EIF3M: variants seen among roughly 807,000 people sequenced by gnomAD.
The protein encoded by EIF3M is eukaryotic translation initiation factor 3 subunit M.
Under a neutral mutation model 49.7 loss-of-function variants are expected in EIF3M, and 25 were observed. The ratio of observed to expected loss-of-function variants is 0.50; its 90% confidence interval spans 0.37 to 0.70. The LOEUF is 0.70. Ranked by LOEUF, EIF3M falls within the 30% of genes least tolerant of loss-of-function variation. The pLI, the probability that EIF3M is intolerant of heterozygous loss-of-function variation, is 0.00. For missense variants in EIF3M, 350 were observed against 440.0 expected, an observed-to-expected ratio of 0.80 and a Z score of 1.83; for synonymous variants, 156 against 149.8, an observed-to-expected ratio of 1.04 and a Z score of -0.30.
At chr11:32,584,612 A>G (rs1854965166) in intron 1 of EIF3M, among the ~76,000 whole-genome samples, 1 of 150,350 alleles carries the variant, frequency 6.7e-6, no homozygotes, top group South Asian at 2.1e-4. Flanking sequence ...CCTCTCAAAA[A>G]AAAAAAAAAA....
rs561970649 is a variant in EIF3M, at chr11:32,598,853, C to T, written c.800-1836C>T. On this transcript the variant is annotated intron_variant, in intron 8 of 10. Transcript: ENST00000531120. ...ATGTTAAGGAATTTTTGAAAAAAAT[C>T]TTTAATACTTATTCATTGATAAGAA... Among the ~76,000 whole-genome samples, 13 of 152,028 alleles carry T rather than the reference C, an allele frequency of 8.6e-5. No individual in the cohort carries two copies. In the South Asian group the frequency reaches 2.7e-3, roughly 32 times the overall value.
At chr11:32,589,511 G>C in intron 4 of EIF3M, 36 bp from the exon 5 acceptor site, 1 of 1,566,254 alleles carries the variant, frequency 6.4e-7, no homozygotes, top group South Asian at 1.1e-5. Context: ...CTTTATATGT[G>C]TTACTCAGTT....
In EIF3M at chr11:32,602,495, T is replaced by C. The variant is rs1468553442; in HGVS notation, c.*96T>C. On this transcript the variant is annotated 3_prime_UTR_variant, in exon 11 of 11. Coordinates refer to ENST00000531120, the MANE Select transcript of EIF3M (RefSeq NM_006360.6). ...AAAATTTGCCTAGTCTGGACAGTTATTGTCTCAAATTTATACTAAAATCAC... is the reference window on the plus strand; with the variant it reads ...AAAATTTGCCTAGTCTGGACAGTTACTGTCTCAAATTTATACTAAAATCAC... 2 of 1,381,024 alleles carry C rather than the reference T, an allele frequency of 1.4e-6. No individual in the cohort carries two copies. Among genetic ancestry groups the C allele is most frequent in the Non-Finnish European group, 1.9e-6 (2 of 1,034,408 alleles). The allele number at this position is 1,381,024 out of a possible 1,614,324, so 85.5% of individuals were successfully genotyped here. A position where few individuals can be genotyped will look rare whatever the true frequency, so the allele number is the denominator to read the frequency against.
intron 8 of EIF3M, among the ~76,000 whole-genome samples, chr11:32,596,575 T>A (rs1316223006): frequency 7.3e-6 from 1 of 136,408 alleles, no homozygotes; most frequent in African/African-American, 2.8e-5. Flanking sequence ...CACTCCAGCC[T>A]CGGCAACAGA....
intron 8 of EIF3M, among the ~76,000 whole-genome samples, chr11:32,596,922 G>A (rs1040638804): frequency 4.3e-4 from 65 of 151,880 alleles, no homozygotes; most frequent in African/African-American, 1.5e-3. Context: ...AAAAAAAAAA[G>A]AGAGAGAAAA....
chr11:32,602,553 A>G lies in EIF3M; in HGVS notation c.*154A>G. On this transcript the variant is annotated 3_prime_UTR_variant, in exon 11 of 11. Transcript: ENST00000531120. ...AGAGGATATGAAGTAATAAATTACA[A>G]GGGGTCACAATGTCTGTCATACAAT... The G allele has an allele frequency of 1.0e-6, 1 of 954,120 alleles. No individual in the cohort carries two copies. Among genetic ancestry groups the G allele is most frequent in the East Asian group, 2.7e-5 (1 of 37,556 alleles). The allele number at this position is 954,120 out of a possible 1,614,324, so 59.1% of individuals were successfully genotyped here. A position where few individuals can be genotyped will look rare whatever the true frequency, so the allele number is the denominator to read the frequency against.
In EIF3M at chr11:32,589,550, A is replaced by G; in HGVS notation, c.442A>G (p.Arg148Gly). The change falls in exon 5 of 11, where the codon AGA (arginine) becomes GGA (glycine). Residue 148 changes from arginine to glycine, a missense_variant. Transcript: ENST00000531120. Reference protein sequence around the residue: ...QYIPTELDQVRKWISDWNLTT... With the variant: ...QYIPTELDQVGKWISDWNLTT... Reference sequence around the variant, plus strand: ...TCCTTTTGTCAATCTCTTGTAGGTTAGAAAATGGATTTCTGACTGGAATCT... The same window carrying G: ...TCCTTTTGTCAATCTCTTGTAGGTTGGAAAATGGATTTCTGACTGGAATCT... 6.2e-7 allele frequency: 1 copy of G among 1,614,046 alleles called. No homozygotes were observed.
chr11:32,584,186 A>C (rs565666489), intron 1 of EIF3M: 1 of 569,312 alleles, frequency 1.8e-6, no homozygotes, highest in East Asian at 3.0e-5. Context: ...TTCTGACGAC[A>C]TAGTACTTTT....
chr11:32,596,117 T>C, intron 8 of EIF3M, 70 bp downstream of exon 8: 1 of 1,213,274 alleles, frequency 8.2e-7, no homozygotes, highest in Middle Eastern at 2.0e-4. Flanking sequence ...ATGTACTATG[T>C]GTTCCAGCAA....
At chr11:32,601,963 GT>G in intron 10 of EIF3M, 141 bp downstream of exon 10, 1 of 954,366 alleles carries the variant, frequency 1.0e-6, no homozygotes. Context: ...TTTTATTAAA[GT>G]TCAGACTGAA....
chr11:32,588,727 G>A lies in EIF3M; in HGVS notation c.309G>A (p.Leu103=). Reference sequence around the variant, plus strand: ...AAGGTGAACGCCCGTCTCTGAGACTGCAGTTGTAAGTTAAGATCTGAAAGA... The same window carrying A: ...AAGGTGAACGCCCGTCTCTGAGACTACAGTTGTAAGTTAAGATCTGAAAGA... ...FREGERPSLR[L]QLLSNLFHGM... The change falls in exon 3 of 11, where the codon CTG becomes CTA. Residue 103 remains leucine, a synonymous_variant. Transcript: ENST00000531120. The A allele has an allele frequency of 1.9e-6, 3 of 1,614,138 alleles. No homozygotes were observed. The highest frequency in any genetic ancestry group is 1.7e-6 in the Non-Finnish European group (2 of 1,180,000).
intron 1 of EIF3M, among the ~76,000 whole-genome samples, chr11:32,585,202 A>G (rs764899561): frequency 4.6e-5 from 7 of 152,218 alleles, no homozygotes; most frequent in Non-Finnish European, 1.0e-4. Flanking sequence ...TTAAGCACAG[A>G]TAGGAAGATA....
At chr11:32,588,542 C>T (rs1400950427) in intron 2 of EIF3M, 52 bp from the exon 3 acceptor site, 3 of 1,576,046 alleles carry the variant, frequency 1.9e-6, no homozygotes, top group Non-Finnish European at 2.6e-6. Flanking sequence ...TTTAACTAGA[C>T]GCATTGAGTA....
chr11:32,592,695 T>G (rs942244987), intron 5 of EIF3M: 7 of 508,182 alleles, frequency 1.4e-5, no homozygotes, highest in Non-Finnish European at 2.7e-5. Flanking sequence ...AAAACTACCA[T>G]CTCTAGTTTC....
chr11:32,602,009 T>G, intron 10 of EIF3M, 187 bp downstream of exon 10: 1 of 833,782 alleles, frequency 1.2e-6, no homozygotes, highest in Non-Finnish European at 1.9e-6. Flanking sequence ...AGTCCTATTT[T>G]CCAGCACATT....
chr11:32,589,486 C>G, intron 4 of EIF3M, 61 bp from the exon 5 acceptor site: 4 of 1,518,816 alleles, frequency 2.6e-6, no homozygotes, highest in Non-Finnish European at 3.6e-6. Flanking sequence ...CAGAAATGTA[C>G]TTTTATATGT....
Position 32,602,280 on chromosome 11 carries a change from C to A in EIF3M, c.1006C>A (p.His336Asn). The A allele has an allele frequency of 6.2e-7, 1 of 1,610,006 alleles. No individual in the cohort carries two copies. The highest frequency in any genetic ancestry group is 1.1e-5 in the South Asian group (1 of 90,150). The change falls in exon 11 of 11, where the codon CAT (histidine) becomes AAT (asparagine). Residue 336 changes from histidine to asparagine, a missense_variant and splice_region_variant. Physicochemically the swap from His to Asn is moderately conservative, Grantham distance 68. Transcript: ENST00000531120. ...DQTQRKVVVS[H>N]STHRTFGKQQ... ...TGTGTTTAATTTTTCAATTTTTAGT[C>A]ATAGCACACATCGGACATTTGGAAA...
chr11:32,586,630 C>T (rs1357393585), intron 1 of EIF3M, among the ~76,000 whole-genome samples: 1 of 152,172 alleles, frequency 6.6e-6, no homozygotes, highest in Non-Finnish European at 1.5e-5. Context: ...TTGTTCATTT[C>T]TTTCAAAAAA....
chr11:32,597,373 C>T (rs1855196934), intron 8 of EIF3M, among the ~76,000 whole-genome samples: 1 of 151,836 alleles, frequency 6.6e-6, no homozygotes, highest in African/African-American at 2.4e-5. Flanking sequence ...TGGATACCCC[C>T]GCCATTAACA....
Sources: allele counts gnomAD v4.1 joint callset (sites outside exome capture counted in the v4.1 genomes callset), GRCh38; gene constraint gnomAD v4.1.1; transcripts MANE v1.5; gene names NCBI Gene and HGNC (gene_info 2026-07-23, HGNC 2026-07-21).